The following NXPE2 variants were observed in gnomAD, a reference collection of about 807,000 sequenced individuals.
NXPE2 encodes neurexophilin and PC-esterase domain family member 2, also known as NXPE family member 2.
In NXPE2, 34 loss-of-function variants were observed where a neutral mutation model predicts 34.4. The ratio of observed to expected loss-of-function variants is 0.99; its 90% CI spans 0.75 to 1.31. NXPE2 has a LOEUF of 1.31. Ranked by LOEUF, NXPE2 falls within the 40% of genes most tolerant of loss-of-function variation. The pLI, the probability that NXPE2 is intolerant of heterozygous loss-of-function variation, is 0.00. For synonymous variants in NXPE2, 235 were observed against 231.3 expected (o/e 1.02, Z -0.15); for missense variants, 649 against 672.5 (o/e 0.97, Z 0.39).
At chr11:114,506,306 A>T in the NXPE2 span, among the ~76,000 whole-genome samples, 1 of 152,208 alleles carries the variant, frequency 6.6e-6, no homozygotes, top group South Asian at 2.1e-4. Flanking sequence ...CCCCACTGAC[A>T]GTATTAGACA....
the NXPE2 span, among the ~76,000 whole-genome samples, chr11:114,607,181 G>A: frequency 7.3e-5 from 11 of 151,722 alleles, no homozygotes; most frequent in Non-Finnish European, 1.3e-4. Flanking sequence ...GTGTTGCATC[G>A]TGGGTGACAA....
chr11:114,787,171 G>GCA, the NXPE2 span, among the ~76,000 whole-genome samples: 355 of 147,324 alleles, frequency 2.4e-3, 6 homozygotes, highest in Admixed American at 0.021. Flanking sequence ...GTCAACAGGC[G>GCA]CACACACACA....
chr11:114,500,211 T>C, the NXPE2 span, among the ~76,000 whole-genome samples: 2 of 152,092 alleles, frequency 1.3e-5, no homozygotes, highest in African/African-American at 4.8e-5. Flanking sequence ...CTTTGTACCA[T>C]ATATATATTC....
the NXPE2 span, among the ~76,000 whole-genome samples, chr11:114,514,206 T>A: frequency 6.6e-6 from 1 of 152,226 alleles, no homozygotes; most frequent in Non-Finnish European, 1.5e-5. Flanking sequence ...TTAAGATGGA[T>A]GCACAGCATT....
the NXPE2 span, among the ~76,000 whole-genome samples, chr11:114,729,628 G>A: frequency 6.6e-6 from 1 of 151,918 alleles, no homozygotes; most frequent in Non-Finnish European, 1.5e-5. Flanking sequence ...ATCTCACTGT[G>A]GTTTTGATTT....
intron 2 of NXPE2, among the ~76,000 whole-genome samples, chr11:114,693,910 G>A (rs1174426574): frequency 2.0e-5 from 3 of 152,168 alleles, no homozygotes; most frequent in Non-Finnish European, 4.4e-5. Context: ...AATTTATTAT[G>A]TTGCACTTCT....
the NXPE2 span, among the ~76,000 whole-genome samples, chr11:114,544,712 CTGATAA>C: frequency 1.3e-4 from 20 of 152,184 alleles, no homozygotes; most frequent in Admixed American, 1.3e-3. Context: ...GAAAGAAAAA[CTGATAA>C]GTTAGATTTT....
the NXPE2 span, among the ~76,000 whole-genome samples, chr11:114,658,257 G>C: frequency 6.6e-6 from 1 of 152,196 alleles, no homozygotes; most frequent in South Asian, 2.1e-4. Flanking sequence ...AGGGAGCAGG[G>C]GAAGAGGATG....
the NXPE2 span, among the ~76,000 whole-genome samples, chr11:114,466,310 C>T: frequency 9.9e-3 from 1,505 of 152,108 alleles, 10 homozygotes; most frequent in Non-Finnish European, 0.016. Flanking sequence ...TTTAATATCT[C>T]GATATTTGAA....
chr11:114,629,822 G>C, the NXPE2 span, among the ~76,000 whole-genome samples: 26,223 of 150,106 alleles, frequency 0.17, 2,551 homozygotes, highest in African/African-American at 0.24. Flanking sequence ...CTTCAGCAAA[G>C]TCTCAGGATA....
At chr11:114,572,440 G>A in the NXPE2 span, among the ~76,000 whole-genome samples, 1 of 152,122 alleles carries the variant, frequency 6.6e-6, no homozygotes, top group African/African-American at 2.4e-5. Context: ...CCAGAGAAAG[G>A]TGAAGTCCAA....
At chr11:114,561,619 T>A in the NXPE2 span, among the ~76,000 whole-genome samples, 2 of 152,212 alleles carry the variant, frequency 1.3e-5, no homozygotes, top group Non-Finnish European at 2.9e-5. Flanking sequence ...AATATTTTTC[T>A]TCTTAGCCTT....
At chr11:114,627,753 G>A in the NXPE2 span, among the ~76,000 whole-genome samples, 1 of 152,146 alleles carries the variant, frequency 6.6e-6, no homozygotes, top group South Asian at 2.1e-4. Context: ...AGACCCATCA[G>A]TGTGCTGTAT....
the NXPE2 span, among the ~76,000 whole-genome samples, chr11:114,531,658 G>A: frequency 6.6e-6 from 1 of 151,982 alleles, no homozygotes. Context: ...TGCTTTTGAT[G>A]TCTTGACAAG....
chr11:114,523,097 A>G, the NXPE2 span: 3 of 1,601,310 alleles, frequency 1.9e-6, no homozygotes, highest in South Asian at 3.3e-5. Flanking sequence ...TCTCTCTGGT[A>G]ACAAAGACAC....
the NXPE2 span, among the ~76,000 whole-genome samples, chr11:114,747,665 C>G: frequency 6.6e-6 from 1 of 152,076 alleles, no homozygotes. Context: ...ACCATCAGAT[C>G]CCATGAAAAC....
the NXPE2 span, among the ~76,000 whole-genome samples, chr11:114,535,176 A>C: frequency 6.6e-6 from 1 of 152,192 alleles, no homozygotes; most frequent in African/African-American, 2.4e-5. Flanking sequence ...ATATCCAACC[A>C]AACTAAGCTT....
At chr11:114,719,903 C>T in the NXPE2 span, among the ~76,000 whole-genome samples, 1 of 152,172 alleles carries the variant, frequency 6.6e-6, no homozygotes, top group African/African-American at 2.4e-5. Flanking sequence ...TGCTTGGTTC[C>T]CATTATCATG....
chr11:114,639,463 C>T, the NXPE2 span, among the ~76,000 whole-genome samples: 25 of 151,620 alleles, frequency 1.6e-4, no homozygotes, highest in East Asian at 2.1e-3. Context: ...ATGCACGCTG[C>T]GCTGCCCCCA....
Sources: allele counts gnomAD v4.1 joint callset (sites outside exome capture counted in the v4.1 genomes callset), GRCh38; gene constraint gnomAD v4.1.1; transcripts MANE v1.5; gene names NCBI Gene and HGNC (gene_info 2026-07-23, HGNC 2026-07-21).